TENM3: variants seen among roughly 807,000 people sequenced by gnomAD.
The protein encoded by TENM3 is teneurin-3.
TENM3 carries 63 observed loss-of-function variants against 255.1 expected under a neutral mutation model. That is an observed-to-expected ratio of 0.25 (90% CI 0.20 to 0.30). TENM3 has a LOEUF of 0.30. TENM3 is among the 10% of genes least tolerant of loss of function. TENM3 has a pLI of 1.00. For missense variants in TENM3, 2,929 were observed against 3,461.1 expected, an observed-to-expected ratio of 0.85 and a Z score of 3.86; for synonymous variants, 1,306 against 1,322.3, an observed-to-expected ratio of 0.99 and a Z score of 0.27.
the TENM3 span, among the ~76,000 whole-genome samples, chr4:181,459,960 C>T: frequency 2.0e-5 from 3 of 151,994 alleles, no homozygotes; most frequent in East Asian, 1.9e-4. Context: ...CACTGATTTT[C>T]ACTTCACTTA....
intron 3 of TENM3, among the ~76,000 whole-genome samples, chr4:182,593,530 A>G (rs1746879971): frequency 1.3e-5 from 2 of 152,100 alleles, no homozygotes; most frequent in African/African-American, 2.4e-5. Flanking sequence ...CTTAGCTTCT[A>G]TCTCCCTTCC....
At chr4:182,388,321 T>C (rs1026854802) in intron 3 of TENM3, among the ~76,000 whole-genome samples, 2 of 152,144 alleles carry the variant, frequency 1.3e-5, no homozygotes, top group African/African-American at 4.8e-5. Flanking sequence ...TATGTTGTTT[T>C]TCTAAAAAAC....
At chr4:182,428,688 A>T (rs1168538765) in intron 3 of TENM3, among the ~76,000 whole-genome samples, 1 of 152,084 alleles carries the variant, frequency 6.6e-6, no homozygotes, top group Non-Finnish European at 1.5e-5. Flanking sequence ...TCTTAACCAT[A>T]AATGTATATA....
chr4:182,382,080 G>C (rs946946688), intron 3 of TENM3, among the ~76,000 whole-genome samples: 18 of 152,286 alleles, frequency 1.2e-4, no homozygotes, highest in African/African-American at 4.1e-4. Context: ...GAATTATATG[G>C]TAGTTTGTAA....
intron 16 of TENM3, among the ~76,000 whole-genome samples, chr4:182,735,083 A>G (rs2152721869): frequency 6.6e-6 from 1 of 152,228 alleles, no homozygotes; most frequent in East Asian, 1.9e-4. Flanking sequence ...TTATCTTTAA[A>G]CCATTCACCC....
chr4:182,602,180 T>G (rs553317340), intron 4 of TENM3, among the ~76,000 whole-genome samples: 31 of 152,258 alleles, frequency 2.0e-4, no homozygotes, highest in Admixed American at 1.2e-3. Flanking sequence ...ATTGGTCTTC[T>G]GTTGGCAGCT....
chr4:181,567,031 T>C, the TENM3 span, among the ~76,000 whole-genome samples: 1 of 152,144 alleles, frequency 6.6e-6, no homozygotes, highest in East Asian at 1.9e-4. Flanking sequence ...TCCACCCTCT[T>C]AAAGAAAAGC....
At chr4:181,555,697 T>A in the TENM3 span, among the ~76,000 whole-genome samples, 1 of 152,152 alleles carries the variant, frequency 6.6e-6, no homozygotes, top group Admixed American at 6.5e-5. Context: ...CTTCCAGGTG[T>A]TCTATCTGTG....
At chr4:182,287,591 T>G (rs1438121938) in intron 1 of TENM3, among the ~76,000 whole-genome samples, 1 of 130,286 alleles carries the variant, frequency 7.7e-6, no homozygotes, top group Non-Finnish European at 1.6e-5. Flanking sequence ...ACACTTTTCT[T>G]TCTTTACTTT....
chr4:182,100,602 T>C, the TENM3 span, among the ~76,000 whole-genome samples: 5 of 128,552 alleles, frequency 3.9e-5, no homozygotes, highest in African/African-American at 1.2e-4. Flanking sequence ...TATATACACA[T>C]ATATACACAC....
the TENM3 span, among the ~76,000 whole-genome samples, chr4:181,848,803 C>T: frequency 6.6e-6 from 1 of 152,062 alleles, no homozygotes; most frequent in South Asian, 2.1e-4. Context: ...CAGGCTCAGC[C>T]CAGAATCGCC....
intron 1 of TENM3, among the ~76,000 whole-genome samples, chr4:182,296,119 G>A (rs113959968): frequency 0.033 from 5,010 of 152,002 alleles, 87 homozygotes; most frequent in African/African-American, 0.041. Flanking sequence ...ACGCACCACC[G>A]TGCCTGGCTA....
chr4:182,590,852 G>GAAA (rs35247987), intron 3 of TENM3, among the ~76,000 whole-genome samples: 57 of 140,300 alleles, frequency 4.1e-4, no homozygotes, highest in Admixed American at 5.0e-4. Context: ...CGTCTCAAAA[G>GAAA]AAAAAAAAAA....
chr4:182,744,351 T>C (rs1230581674), intron 19 of TENM3, among the ~76,000 whole-genome samples: 1 of 152,154 alleles, frequency 6.6e-6, no homozygotes, highest in Non-Finnish European at 1.5e-5. Context: ...GTTATTTACG[T>C]GATATAATTT....
intron 3 of TENM3, among the ~76,000 whole-genome samples, chr4:182,587,285 T>G (rs748426817): frequency 1.3e-5 from 2 of 151,968 alleles, no homozygotes; most frequent in Non-Finnish European, 2.9e-5. Context: ...TTTTTGTAGA[T>G]GGCCAGGTGC....
intron 1 of TENM3, among the ~76,000 whole-genome samples, chr4:182,259,735 C>T (rs1321743471): frequency 6.6e-6 from 1 of 151,056 alleles, no homozygotes; most frequent in Non-Finnish European, 1.5e-5. Context: ...TATCCATCAC[C>T]TTAAATAGTT....
chr4:182,614,932 C>T (rs1434739369), intron 4 of TENM3, among the ~76,000 whole-genome samples: 1 of 150,624 alleles, frequency 6.6e-6, no homozygotes, highest in African/African-American at 2.4e-5. Context: ...TATGGCAGGG[C>T]GTCCACTGCA....
the TENM3 span, among the ~76,000 whole-genome samples, chr4:182,054,460 T>C: frequency 6.6e-6 from 1 of 152,154 alleles, no homozygotes; most frequent in Non-Finnish European, 1.5e-5. Flanking sequence ...GAGAAATTAA[T>C]AGGATCTTTT....
intron 3 of TENM3, among the ~76,000 whole-genome samples, chr4:182,589,530 G>A (rs1226649452): frequency 6.6e-6 from 1 of 150,818 alleles, no homozygotes; most frequent in Non-Finnish European, 1.5e-5. Flanking sequence ...CCAAGTTTGG[G>A]GAAGACAAAT....
Sources: allele counts gnomAD v4.1 joint callset (sites outside exome capture counted in the v4.1 genomes callset), GRCh38; gene constraint gnomAD v4.1.1; transcripts MANE v1.5; gene names NCBI Gene and HGNC (gene_info 2026-07-23, HGNC 2026-07-21).